Variants in RIN2 observed in about 807,000 individuals in gnomAD.
RIN2 encodes Ras and Rab interactor 2.
A neutral mutation model predicts 78.0 loss-of-function variants in RIN2; 36 were observed. The observed-to-expected ratio is 0.46, with a 90% CI of 0.35 to 0.61. RIN2 has a LOEUF of 0.61. Ranked by LOEUF, RIN2 falls within the 20% of genes least tolerant of loss-of-function variation. RIN2 has a pLI of 0.00. For synonymous variants in RIN2, 466 were observed against 466.8 expected, an observed-to-expected ratio of 1.00 and a Z score of 0.02; for missense variants, 1,087 against 1,159.7, an observed-to-expected ratio of 0.94 and a Z score of 0.91.
chr20:19,802,471 T>TAAAAAAA (rs11300762), intron 2 of RIN2, among the ~76,000 whole-genome samples: 1 of 140,038 alleles, frequency 7.1e-6, no homozygotes, highest in African/African-American at 2.6e-5. Flanking sequence ...AAAGTTTCTT[T>TAAAAAAA]AAAAAAAAAA....
At chr20:19,859,666 G>A (rs997173542) in intron 2 of RIN2, among the ~76,000 whole-genome samples, 12 of 152,108 alleles carry the variant, frequency 7.9e-5, no homozygotes, top group Admixed American at 3.3e-4. Context: ...GACTATCTCC[G>A]CACATAACTC....
intron 3 of RIN2, among the ~76,000 whole-genome samples, chr20:19,898,832 G>C (rs1424331432): frequency 3.3e-5 from 5 of 152,134 alleles, no homozygotes; most frequent in Admixed American, 1.3e-4. Context: ...AAACAAAAAG[G>C]CCCTTTCATC....
intron 4 of RIN2, among the ~76,000 whole-genome samples, chr20:19,951,613 C>T (rs934885346): frequency 6.6e-6 from 1 of 151,260 alleles, no homozygotes; most frequent in Non-Finnish European, 1.5e-5. Flanking sequence ...CTATGACTAT[C>T]CTATTTCCTA....
intron 11 of RIN2, among the ~76,000 whole-genome samples, chr20:19,993,922 C>T (rs1271898512): frequency 6.6e-6 from 1 of 152,136 alleles, no homozygotes; most frequent in Non-Finnish European, 1.5e-5. Flanking sequence ...GAAAAAGACA[C>T]GCCGGTTTCA....
chr20:19,868,556 TC>T (rs1015204391), intron 2 of RIN2, among the ~76,000 whole-genome samples: 4 of 152,144 alleles, frequency 2.6e-5, no homozygotes, highest in African/African-American at 9.7e-5. Flanking sequence ...TAGGGTTTCA[TC>T]CGGGTTTTAT....
At chr20:19,934,037 T>A (rs940026395) in intron 3 of RIN2, among the ~76,000 whole-genome samples, 3 of 152,126 alleles carry the variant, frequency 2.0e-5, no homozygotes, top group Non-Finnish European at 4.4e-5. Context: ...CTTGAACTCC[T>A]GACCTCAAGT....
intron 1 of RIN2, among the ~76,000 whole-genome samples, chr20:19,785,185 G>A (rs180888869): frequency 3.8e-4 from 58 of 152,206 alleles, no homozygotes; most frequent in Admixed American, 2.7e-3. Flanking sequence ...AGCAGAAAGT[G>A]GCAGACAACG....
chr20:19,994,750 A>G (rs1010458727), intron 11 of RIN2, among the ~76,000 whole-genome samples: 1 of 152,094 alleles, frequency 6.6e-6, no homozygotes, highest in African/African-American at 2.4e-5. Context: ...TCCATGTAGC[A>G]TCTGTATTCT....
intron 3 of RIN2, among the ~76,000 whole-genome samples, chr20:19,891,277 C>T (rs1388880756): frequency 1.3e-5 from 2 of 152,184 alleles, no homozygotes; most frequent in African/African-American, 4.8e-5. Context: ...TCCTCAAGTC[C>T]TCTGTAGATC....
chr20:19,789,515 T>A (rs917047219), intron 1 of RIN2, among the ~76,000 whole-genome samples: 1 of 152,236 alleles, frequency 6.6e-6, no homozygotes, highest in African/African-American at 2.4e-5. Flanking sequence ...GCCTAGTTTC[T>A]TTTATTTTGT....
At chr20:19,894,083 A>G (rs1013074674) in intron 3 of RIN2, among the ~76,000 whole-genome samples, 2 of 152,082 alleles carry the variant, frequency 1.3e-5, no homozygotes, top group African/African-American at 4.8e-5. Flanking sequence ...AAAAACAACA[A>G]AAACAACAAC....
chr20:19,954,706 C>G (rs6046483), intron 4 of RIN2, among the ~76,000 whole-genome samples: 13 of 56,362 alleles, frequency 2.3e-4, no homozygotes, highest in East Asian at 1.5e-3. Context: ...CTGTGCCCCT[C>G]ACCCCTGTGT....
At chr20:19,801,221 C>T (rs2035231104) in intron 2 of RIN2, among the ~76,000 whole-genome samples, 1 of 152,148 alleles carries the variant, frequency 6.6e-6, no homozygotes, top group African/African-American at 2.4e-5. Context: ...CCTGTGGTAT[C>T]TGCTCATATT....
intron 1 of RIN2, among the ~76,000 whole-genome samples, chr20:19,784,553 T>C (rs1568748775): frequency 6.6e-6 from 1 of 152,014 alleles, no homozygotes; most frequent in Non-Finnish European, 1.5e-5. Flanking sequence ...TTACCATAAC[T>C]TAAAAAAATT....
chr20:19,955,130 T>C lies in RIN2; in HGVS notation c.159-1485T>C, dbSNP rs191901060. On this transcript the variant is annotated intron_variant, in intron 4 of 12. Transcript: ENST00000255006. ...CCATTCTCTTTTCTCTCCCCCATTC[T>C]CTGGAGCCCACTGATCTACTTTGTG... is the stretch of plus-strand genomic sequence containing the variant. 1.6e-3 allele frequency among the ~76,000 whole-genome samples: 246 copies of C among 152,268 alleles called. 4 individuals carry two copies. The highest frequency in any genetic ancestry group is 3.7e-3 in the East Asian group (19 of 5,182).
chr20:19,823,318 C>A (rs2035984255), intron 2 of RIN2: 1 of 594,288 alleles, frequency 1.7e-6, no homozygotes, highest in African/African-American at 1.9e-5. Context: ...AAGTTCTCAT[C>A]TTACTCTTTC....
At chr20:19,934,719 C>T in intron 3 of RIN2, 1 of 592,460 alleles carries the variant, frequency 1.7e-6, no homozygotes, top group Non-Finnish European at 2.1e-6. Flanking sequence ...GGAGGGTTTC[C>T]CTTGCCAAAT....
At chr20:19,907,501 C>T (rs1002073287) in intron 3 of RIN2, among the ~76,000 whole-genome samples, 1 of 152,144 alleles carries the variant, frequency 6.6e-6, no homozygotes, top group African/African-American at 2.4e-5. Flanking sequence ...ATCACCAGAG[C>T]GAGGAAGGAA....
intron 4 of RIN2, among the ~76,000 whole-genome samples, chr20:19,943,094 CG>C (rs1568640411): frequency 6.6e-6 from 1 of 152,204 alleles, no homozygotes; most frequent in East Asian, 1.9e-4. Flanking sequence ...TGAAGGGCAT[CG>C]GGACCAAGAC....
Sources: gnomAD v4.1 joint callset for allele counts (sites outside exome capture counted in the v4.1 genomes callset) on GRCh38, gnomAD v4.1.1 for gene constraint, MANE v1.5 for transcripts, NCBI Gene and HGNC (gene_info 2026-07-23, HGNC 2026-07-21) for gene names.